Variants in GNAI2 observed in about 807,000 individuals in gnomAD.
GNAI2 encodes the protein G protein subunit alpha i2, also known as guanine nucleotide-binding protein G(i) subunit alpha-2.
Under a neutral mutation model 36.8 loss-of-function variants are expected in GNAI2, and 4 were observed. The ratio of observed to expected loss-of-function variants is 0.11; its 90% confidence interval spans 0.05 to 0.25. The LOEUF (loss-of-function observed/expected upper bound fraction) is 0.25, where lower values mean the gene tolerates loss of function less well. GNAI2 is among the 10% of genes least tolerant of loss of function. The probability of loss-of-function intolerance (pLI) is 1.00; values close to 1 mark genes in which losing one functional copy is unlikely to be tolerated. For synonymous variants in GNAI2, 194 were observed against 194.1 expected (o/e 1.00, Z 0.01); for missense variants, 230 against 481.3 (o/e 0.48, Z 4.89).
intron 1 of GNAI2, among the ~76,000 whole-genome samples, chr3:50,246,720 C>A (rs975179764): frequency 1.3e-5 from 2 of 152,250 alleles, no homozygotes; most frequent in East Asian, 1.9e-4. Context: ...TCCCACGGAG[C>A]CCACCAGTAT....
Position 50,238,591 on chromosome 3 carries a change from G to A in GNAI2, c.118+2138G>A, listed in dbSNP as rs78190907. Among the ~76,000 whole-genome samples, 1,473 of 152,346 alleles carry A rather than the reference G, an allele frequency of 9.7e-3. 21 individuals are homozygous for A. Among genetic ancestry groups the A allele is most frequent in the African/African-American group, 0.034 (1,407 of 41,580 alleles). On this transcript the variant is annotated intron_variant, in intron 1 of 8. Transcript: ENST00000313601. The surrounding 1 kb of genome is among the most constrained non-coding windows in gnomAD (Gnocchi z 5.0). ...TGGCCAAAGGAGTGCCCCAGGTCAGGATGGGGAGGGAGAACAAGAGCCTCC... is the reference window on the plus strand; with the variant it reads ...TGGCCAAAGGAGTGCCCCAGGTCAGAATGGGGAGGGAGAACAAGAGCCTCC...
In GNAI2 at chr3:50,252,040, T is replaced by G. The variant is rs1398627814; in HGVS notation, c.119-60T>G. 1 of 1,527,596 alleles carries G rather than the reference T, an allele frequency of 6.5e-7. No homozygotes were observed. Among genetic ancestry groups the G allele is most frequent in the Non-Finnish European group, 9.1e-7 (1 of 1,103,500 alleles). The allele number at this position is 1,527,596 out of a possible 1,614,324, so 94.6% of individuals were successfully genotyped here. ...TGGGCTACAGGTGTCTGGGCATTTG[T>G]TCTGTGCCTGTGGAGCCCCTCTGGG... On this transcript the variant is annotated intron_variant, in intron 1 of 8. Transcript: ENST00000313601. This position sits in a 1 kb window ranked among gnomAD's most constrained non-coding sequence, Gnocchi z 4.1.
At chr3:50,249,718 ACTCCCCAT>A (rs1267591978) in intron 1 of GNAI2, among the ~76,000 whole-genome samples, 1 of 151,998 alleles carries the variant, frequency 6.6e-6, no homozygotes, top group African/African-American at 2.4e-5. Context: ...ACTAGCTGTC[ACTCCCCAT>A]CTCCCCAGAT....
intron 1 of GNAI2, among the ~76,000 whole-genome samples, chr3:50,245,577 G>A (rs1700396756): frequency 6.6e-6 from 1 of 152,238 alleles, no homozygotes; most frequent in African/African-American, 2.4e-5. Context: ...CCAGGGAGAC[G>A]GTGCCAAATG....
intron 1 of GNAI2, among the ~76,000 whole-genome samples, chr3:50,249,195 A>G (rs1700490140): frequency 6.6e-6 from 1 of 152,138 alleles, no homozygotes. Flanking sequence ...ATGGGGACCC[A>G]TGACTTCGCA....
Position 50,252,275 on chromosome 3 carries a change from C to A in GNAI2, c.162-122C>A. ...GAATCTTCTGAGAAGCAGAAGGACC[C>A]TCAGGTCCCAGTGGGTCAGGGGCAG... On this transcript the variant is annotated intron_variant, in intron 2 of 8. Transcript: ENST00000313601. This position sits in a 1 kb window ranked among gnomAD's most constrained non-coding sequence, Gnocchi z 4.1. The A allele has an allele frequency of 1.4e-6, 2 of 1,396,470 alleles. No individual in the cohort carries two copies. Among genetic ancestry groups the A allele is most frequent in the East Asian group, 2.3e-5 (1 of 43,738 alleles). 86.5% of individuals were successfully genotyped at this position (1,396,470 alleles called of 1,614,324 possible).
At chr3:50,236,071 A>C, upstream of GNAI2, 1 of 546,128 alleles carries the variant, frequency 1.8e-6, no homozygotes. This position sits in a 1 kb window ranked among gnomAD's most constrained non-coding sequence, Gnocchi z 4.0. Context: ...CCCTCGAGCC[A>C]ATCAACAGCC....
Position 50,253,948 on chromosome 3 carries a change from C to T in GNAI2, c.464+764C>T, listed in dbSNP as rs1281788652. On this transcript the variant is annotated intron_variant, in intron 4 of 8. Transcript: ENST00000313601. The surrounding 1 kb of genome is among the most constrained non-coding windows in gnomAD (Gnocchi z 4.2). ...CAGGGGCATAGCATGTGCAGCATCT[C>T]GGGGTGGTGGGGAGCTGGCTGTGCT... Among the ~76,000 whole-genome samples the T allele has an allele frequency of 1.3e-5, 2 of 151,586 alleles. No individual in the cohort carries two copies. The highest frequency in any genetic ancestry group is 2.4e-5 in the African/African-American group (1 of 41,202).
chr3:50,250,739 G>C (rs1030179935), intron 1 of GNAI2, among the ~76,000 whole-genome samples: 2 of 151,992 alleles, frequency 1.3e-5, no homozygotes, highest in Non-Finnish European at 2.9e-5. Flanking sequence ...AGACTCCCTG[G>C]GTAATACAGG....
chr3:50,251,411 G>GT, intron 1 of GNAI2: 7 of 1,034,086 alleles, frequency 6.8e-6, no homozygotes, highest in Non-Finnish European at 8.2e-6. Context: ...GCTTGAGTCA[G>GT]TATGGGCGTG....
chr3:50,236,564 C>A lies in GNAI2; in HGVS notation c.118+111C>A. On this transcript the variant is annotated intron_variant, in intron 1 of 8. Transcript: ENST00000313601. The surrounding 1 kb of genome is among the most constrained non-coding windows in gnomAD (Gnocchi z 4.0). The stretch of plus-strand genomic sequence containing the variant: ...ACTCCCAGACCCGGGCTGTCTGGGA[C>A]CCCACACCTGGGCCAGGACCAGGGT... 2 of 1,396,238 alleles carry A rather than the reference C, an allele frequency of 1.4e-6. No individual in the cohort carries two copies. Among genetic ancestry groups the A allele is most frequent in the Non-Finnish European group, 1.9e-6 (2 of 1,059,030 alleles). The allele number at this position is 1,396,238 out of a possible 1,614,324, so 86.5% of individuals were successfully genotyped here. A position where few individuals can be genotyped will look rare whatever the true frequency, so the allele number is the denominator to read the frequency against.
At chr3:50,251,743 G>A in intron 1 of GNAI2, 1 of 1,315,688 alleles carries the variant, frequency 7.6e-7, no homozygotes. Context: ...CAGCTGCACA[G>A]GTTGGCGAGC....
rs1700610496 is a variant in GNAI2, at chr3:50,253,266, CAGA to C, written c.464+85_464+87del. 9.2e-7 allele frequency: 1 copy of C among 1,090,834 alleles called. No homozygotes were observed. The highest frequency in any genetic ancestry group is 1.3e-6 in the Non-Finnish European group (1 of 753,492). The allele number at this position is 1,090,834 out of a possible 1,614,324, so 67.6% of individuals were successfully genotyped here. ...CTGGACCGGAGGGCCTGAGAACCCC[CAGA>C]AGGACACTGCTGGTCTTTGCTTATG... On this transcript the variant is annotated intron_variant, in intron 4 of 8. Transcript: ENST00000313601. The surrounding 1 kb of genome is among the most constrained non-coding windows in gnomAD (Gnocchi z 4.2).
intron 1 of GNAI2, among the ~76,000 whole-genome samples, chr3:50,247,994 G>A (rs1413206164): frequency 6.6e-6 from 1 of 152,238 alleles, no homozygotes; most frequent in African/African-American, 2.4e-5. Context: ...CAGCACTTTG[G>A]GAGGCCAAAG....
intron 4 of GNAI2, among the ~76,000 whole-genome samples, chr3:50,254,265 T>TAATA: frequency 6.6e-6 from 1 of 152,278 alleles, no homozygotes; most frequent in African/African-American, 2.4e-5. Context: ...TGAGGATGGC[T>TAATA]GCAGGGGACA....
chr3:50,249,489 T>C (rs1700502525), intron 1 of GNAI2, among the ~76,000 whole-genome samples: 1 of 151,286 alleles, frequency 6.6e-6, no homozygotes, highest in South Asian at 2.1e-4. Flanking sequence ...GGGGAGGGAG[T>C]GGTGCTGGTA....
rs1472491534 is a variant in GNAI2, at chr3:50,236,554, C to T, written c.118+101C>T. On this transcript the variant is annotated intron_variant, in intron 1 of 8. Transcript: ENST00000313601. This position sits in a 1 kb window ranked among gnomAD's most constrained non-coding sequence, Gnocchi z 4.0. ...AGGGCTTCAAACTCCCAGACCCGGG[C>T]TGTCTGGGACCCCACACCTGGGCCA... The T allele has an allele frequency of 7.0e-7, 1 of 1,437,638 alleles. No homozygotes were observed. The highest frequency in any genetic ancestry group is 3.1e-5 in the Admixed American group (1 of 31,858). 89.1% of individuals were successfully genotyped at this position (1,437,638 alleles called of 1,614,324 possible).
intron 1 of GNAI2, among the ~76,000 whole-genome samples, chr3:50,248,092 G>A (rs1026938278): frequency 7.2e-5 from 11 of 152,164 alleles, no homozygotes; most frequent in Admixed American, 3.3e-4. Context: ...AAAATTAGCC[G>A]GGCGTGGTGG....
chr3:50,234,675 G>A (rs115409427), upstream of GNAI2, among the ~76,000 whole-genome samples: 798 of 152,282 alleles, frequency 5.2e-3, 7 homozygotes, highest in African/African-American at 0.018. Flanking sequence ...AAGGTTCTAA[G>A]GAAGGGGTTT....
Sources: allele counts gnomAD v4.1 joint callset (sites outside exome capture counted in the v4.1 genomes callset), GRCh38; gene constraint gnomAD v4.1.1; non-coding constraint Gnocchi (gnomAD v3.1); transcripts MANE v1.5; gene names NCBI Gene and HGNC (gene_info 2026-07-23, HGNC 2026-07-21).